Variants in ABHD1 observed in about 807,000 individuals in gnomAD.
The protein encoded by ABHD1 is abhydrolase domain containing 1.
Under a neutral mutation model 41.4 loss-of-function variants are expected in ABHD1, and 47 were observed. The ratio of observed to expected loss-of-function variants is 1.13; its 90% CI spans 0.90 to 1.45. ABHD1 has a LOEUF of 1.45. Among genes scored for constraint, ABHD1 ranks in the 40% most tolerant of loss-of-function variants. The probability of loss-of-function intolerance (pLI) is 0.00; values close to 1 mark genes in which losing one functional copy is unlikely to be tolerated. For missense variants in ABHD1, 550 were observed against 503.4 expected (o/e 1.09, Z -0.89); for synonymous variants, 205 against 203.7 (o/e 1.01, Z -0.05).
rs1428685912 is a variant in ABHD1, at chr2:27,130,596, G to A, written c.1070G>A (p.Gly357Asp). The stretch of plus-strand genomic sequence containing the variant: ...GCGCTGCTCATCACAGCCCGGGGTG[G>A]CCACATCGGCTTCCTGGAAGGGCTG... The part of the protein sequence containing the change: ...YVALLITARG[G>D]HIGFLEGLLP... The change falls in exon 9 of 9, where the codon GGC (glycine) becomes GAC (aspartate). Residue 357 changes from glycine (G) to aspartate (D), a missense_variant. By Grantham distance (94) the Gly-to-Asp change is moderately conservative. Coordinates refer to ENST00000316470, the MANE Select transcript of ABHD1 (RefSeq NM_032604.4). 1.1e-5 allele frequency: 17 copies of A among 1,614,170 alleles called. No homozygotes were observed. Among genetic ancestry groups the A allele is most frequent in the Non-Finnish European group, 1.4e-5 (17 of 1,180,042 alleles).
In ABHD1 at chr2:27,123,898, G is replaced by T. The variant is rs771694746; in HGVS notation, c.-51G>T. 1 of 1,529,262 alleles carries T rather than the reference G, an allele frequency of 6.5e-7. No individual in the cohort carries two copies. Among genetic ancestry groups the T allele is most frequent in the Non-Finnish European group, 9.0e-7 (1 of 1,111,090 alleles). 94.7% of individuals were successfully genotyped at this position (1,529,262 alleles called of 1,614,324 possible). ...GCGGGTGGGACCGCGAGTTACAGCC[G>T]GCCAACTGGGGCCAGCCAGGAGCCT... On this transcript the variant is annotated 5_prime_UTR_variant, in exon 1 of 9. Coordinates refer to ENST00000316470, the MANE Select transcript of ABHD1 (RefSeq NM_032604.4).
At chr2:27,124,243 T>A in intron 1 of ABHD1, 181 bp downstream of exon 1, 1 of 703,626 alleles carries the variant, frequency 1.4e-6, no homozygotes, top group Admixed American at 2.0e-5. Flanking sequence ...GTGATCCCCA[T>A]GCCAGCTGGG....
Position 27,129,817 on chromosome 2 carries a change from T to A in ABHD1, c.681T>A (p.Thr227=). The change falls in exon 6 of 9, where the codon ACT becomes ACA. Residue 227 remains threonine, a synonymous_variant. Transcript: ENST00000316470. The stretch of plus-strand genomic sequence containing the variant: ...CTGCAGGGCTGGTGGCAGCACTGAC[T>A]CTGTCTGCATGCTGGGATTCCTTTG... ...RQAAGLVAAL[T]LSACWDSFET... The A allele has an allele frequency of 6.2e-7, 1 of 1,614,200 alleles. No homozygotes were observed.
chr2:27,130,285 C>A lies in ABHD1; in HGVS notation c.875C>A (p.Thr292Lys), dbSNP rs755621488. The A allele has an allele frequency of 6.2e-7, 1 of 1,614,190 alleles. No individual in the cohort carries two copies. The highest frequency in any genetic ancestry group is 1.7e-5 in the Admixed American group (1 of 60,018). The change falls in exon 8 of 9, where the codon ACA becomes AAA. Residue 292 changes from threonine (T) to lysine (K), a missense_variant. Physicochemically the swap from Thr to Lys is moderately conservative, Grantham distance 78. Coordinates refer to ENST00000316470, the MANE Select transcript of ABHD1 (RefSeq NM_032604.4). ...RTIRQFDERY[T>K]SVAFGYQDCV... is the part of the protein sequence containing the mutation. ...ATCCGCCAGTTTGATGAGCGCTACACATCTGTGGCCTTTGGATATCAAGAC... is the reference window on the plus strand; with the variant it reads ...ATCCGCCAGTTTGATGAGCGCTACAAATCTGTGGCCTTTGGATATCAAGAC...
chr2:27,130,596 G>C lies in ABHD1; in HGVS notation c.1070G>C (p.Gly357Ala). The C allele has an allele frequency of 6.2e-7, 1 of 1,614,170 alleles. No homozygotes were observed. The change falls in exon 9 of 9, where the codon GGC (glycine) becomes GCC (alanine). Residue 357 changes from glycine (G) to alanine (A), a missense_variant. Transcript: ENST00000316470. The part of the protein sequence containing the change: ...YVALLITARG[G>A]HIGFLEGLLP... ...GCGCTGCTCATCACAGCCCGGGGTG[G>C]CCACATCGGCTTCCTGGAAGGGCTG...
chr2:27,129,720 C>T (rs772677093), intron 5 of ABHD1, 34 bp from the exon 6 acceptor site: 1 of 1,612,470 alleles, frequency 6.2e-7, no homozygotes, highest in Non-Finnish European at 8.5e-7. Context: ...TTAATGCAAA[C>T]CCTTCTTTCA....
Position 27,127,334 on chromosome 2 carries a change from C to A in ABHD1, c.115-1107C>A, listed in dbSNP as rs1173051624. Reference sequence around the variant, plus strand: ...CTTTGGGAGGCCGAGGCGGGCGGATCATGAGGTCAGGAGATCGAGACCATC... The same window carrying A: ...CTTTGGGAGGCCGAGGCGGGCGGATAATGAGGTCAGGAGATCGAGACCATC... On this transcript the variant is annotated intron_variant, in intron 1 of 8. Transcript: ENST00000316470. Among the ~76,000 whole-genome samples, 9 of 139,194 alleles carry A rather than the reference C, an allele frequency of 6.5e-5. No individual in the cohort carries two copies. In the East Asian group the frequency reaches 2.0e-3, roughly 31 times the overall value. 91.3% of individuals were successfully genotyped at this position (139,194 alleles called of 152,430 possible). A position where few individuals can be genotyped will look rare whatever the true frequency, so the allele number is the denominator to read the frequency against.
At chr2:27,125,972 G>C (rs1482301091) in intron 1 of ABHD1, 1 of 151,238 alleles carries the variant, frequency 6.6e-6, no homozygotes, top group African/African-American at 2.4e-5. Context: ...ACAGTGACTA[G>C]ACAGCGCAGG....
chr2:27,130,077 CA>C (rs1244415439), intron 6 of ABHD1, 27 bp from the exon 7 acceptor site: 1 of 1,614,120 alleles, frequency 6.2e-7, no homozygotes, highest in Non-Finnish European at 8.5e-7. Context: ...ATCCAGGTGT[CA>C]AGCCAAACTC....
In ABHD1 at chr2:27,128,592, T is replaced by A; in HGVS notation, c.266T>A (p.Leu89His). The change falls in exon 2 of 9, where the codon CTT becomes CAT. Residue 89 changes from leucine (L) to histidine (H), a missense_variant. Physicochemically the swap from Leu to His is moderately conservative, Grantham distance 99. Coordinates refer to ENST00000316470, the MANE Select transcript of ABHD1 (RefSeq NM_032604.4). Reference protein sequence around the residue: ...QVLLQSQPLVLYQSDILQTPD... With the variant: ...QVLLQSQPLVHYQSDILQTPD... ...CTCCTGCAGTCTCAGCCCCTAGTCCTTTATCAGAGGTAAGAAGGGACAGAA... is the reference window on the plus strand; with the variant it reads ...CTCCTGCAGTCTCAGCCCCTAGTCCATTATCAGAGGTAAGAAGGGACAGAA... The A allele has an allele frequency of 6.2e-7, 1 of 1,613,974 alleles. No individual in the cohort carries two copies. The highest frequency in any genetic ancestry group is 8.5e-7 in the Non-Finnish European group (1 of 1,179,956).
Position 27,130,290 on chromosome 2 carries a change from G to A in ABHD1, c.880G>A (p.Val294Met). 6.2e-7 allele frequency: 1 copy of A among 1,614,114 alleles called. No individual in the cohort carries two copies. Among genetic ancestry groups the A allele is most frequent in the Non-Finnish European group, 8.5e-7 (1 of 1,180,020 alleles). The change falls in exon 8 of 9, where the codon GTG becomes ATG. Residue 294 changes from valine to methionine, a missense_variant. By Grantham distance (21) the Val-to-Met change is conservative. Transcript: ENST00000316470. ...CCAGTTTGATGAGCGCTACACATCT[G>A]TGGCCTTTGGATATCAAGACTGTGT... The part of the protein sequence containing the change: ...IRQFDERYTS[V>M]AFGYQDCVTY...
chr2:27,127,723 G>A (rs563002156), intron 1 of ABHD1, among the ~76,000 whole-genome samples: 2 of 151,464 alleles, frequency 1.3e-5, no homozygotes, highest in Non-Finnish European at 2.9e-5. Context: ...CACCATGCCT[G>A]GCTAATTTTT....
chr2:27,129,581 G>A lies in ABHD1; in HGVS notation c.572G>A (p.Arg191His), dbSNP rs144288127. The change falls in exon 5 of 9, where the codon CGT (arginine) becomes CAT (histidine). Residue 191 changes from arginine (R) to histidine (H), a missense_variant. By Grantham distance (29) the Arg-to-His change is conservative (BLOSUM62 0). Transcript: ENST00000316470. ...ACAGTCGTGAACCACATAAAGCATC[G>A]TTATCCCCAAGCTCCACTGCTGGCC... The part of the protein sequence containing the change: ...LETVVNHIKH[R>H]YPQAPLLAVG... 123 of 1,613,742 alleles carry A rather than the reference G, an allele frequency of 7.6e-5. No individual in the cohort carries two copies. The highest frequency in any genetic ancestry group is 3.0e-4 in the Admixed American group (18 of 59,998).
chr2:27,130,421 G>A lies in ABHD1; in HGVS notation c.1006+5G>A, dbSNP rs748331898. On this transcript the variant is annotated splice_donor_5th_base_variant and intron_variant, in intron 8 of 8. Coordinates refer to ENST00000316470, the MANE Select transcript of ABHD1 (RefSeq NM_032604.4). The stretch of plus-strand genomic sequence containing the variant: ...ACCCCTTCTCCCCCGTCTGTGGTGA[G>A]TACTCTGATTCAGGACACTTTGGCC... The A allele has an allele frequency of 1.2e-6, 2 of 1,614,174 alleles. No homozygotes were observed. Among genetic ancestry groups the A allele is most frequent in the Admixed American group, 1.7e-5 (1 of 60,014 alleles).
chr2:27,128,714 T>C, intron 2 of ABHD1, 113 bp downstream of exon 2: 1 of 1,440,554 alleles, frequency 6.9e-7, no homozygotes, highest in Non-Finnish European at 9.5e-7. Context: ...GTGTTGAGGG[T>C]TCAATGACAA....
rs929669911 is a variant in ABHD1, at chr2:27,128,354, G to A, written c.115-87G>A. 3.8e-6 allele frequency: 6 copies of A among 1,579,550 alleles called. No homozygotes were observed. In the African/African-American group the frequency reaches 5.4e-5, roughly 14 times the overall value. On this transcript the variant is annotated intron_variant, in intron 1 of 8. Coordinates refer to ENST00000316470, the MANE Select transcript of ABHD1 (RefSeq NM_032604.4). ...GGTCCTCCAGGCTGGGCTCTGGAGA[G>A]GGGGCCCCCTCACCCTCTGGTGTTG... is the stretch of plus-strand genomic sequence containing the variant.
intron 1 of ABHD1, 67 bp downstream of exon 1, chr2:27,124,129 T>TG: frequency 1.4e-6 from 2 of 1,453,724 alleles, no homozygotes; most frequent in Non-Finnish European, 1.9e-6. Flanking sequence ...GACACGGGCT[T>TG]GGGCCCTTGG....
At chr2:27,124,450 C>T (rs1671872876) in intron 1 of ABHD1, 2 of 361,204 alleles carry the variant, frequency 5.5e-6, no homozygotes, top group Non-Finnish European at 5.4e-6. Context: ...ATACCACCCA[C>T]CCCCCAAATA....
chr2:27,127,684 C>T (rs1672027813), intron 1 of ABHD1, among the ~76,000 whole-genome samples: 1 of 151,708 alleles, frequency 6.6e-6, no homozygotes, highest in African/African-American at 2.4e-5. Context: ...GCCTCAGCCT[C>T]CCGAGTAACT....
Sources: gnomAD v4.1 joint callset for allele counts (sites outside exome capture counted in the v4.1 genomes callset) on GRCh38, gnomAD v4.1.1 for gene constraint, MANE v1.5 for transcripts, NCBI Gene and HGNC (gene_info 2026-07-23, HGNC 2026-07-21) for gene names.